Variants in P2RY8 observed in about 807,000 individuals in gnomAD.
P2RY8 encodes P2Y receptor family member 8.
Under a neutral mutation model 10.0 loss-of-function variants are expected in P2RY8, and 6 were observed. The ratio of observed to expected loss-of-function variants is 0.60; its 90% CI spans 0.33 to 1.19. P2RY8 has a LOEUF of 1.19. Ranked by LOEUF, P2RY8 falls within the 50% of genes most tolerant of loss-of-function variation. P2RY8 has a pLI of 0.04. For missense variants in P2RY8, 456 were observed against 542.0 expected, an observed-to-expected ratio of 0.84 and a Z score of 1.58; for synonymous variants, 276 against 252.5, an observed-to-expected ratio of 1.09 and a Z score of -0.88.
At chrX:1,509,286 T>C (rs1322088380) in intron 1 of P2RY8, among the ~76,000 whole-genome samples, 1 of 150,634 alleles carries the variant, frequency 6.6e-6, no homozygotes, top group African/African-American at 2.4e-5. Context: ...ATCCATCATC[T>C]ATGTATCTAT....
At chrX:1,477,808 G>A (rs1460775469) in intron 1 of P2RY8, among the ~76,000 whole-genome samples, 1 of 152,192 alleles carries the variant, frequency 6.6e-6, no homozygotes, top group Non-Finnish European at 1.5e-5. Flanking sequence ...AACACACAGA[G>A]CTCAGGAGTA....
At chrX:1,470,141 C>T (rs1331535768) in intron 1 of P2RY8, among the ~76,000 whole-genome samples, 3 of 152,026 alleles carry the variant, frequency 2.0e-5, no homozygotes, top group Non-Finnish European at 4.4e-5. Flanking sequence ...GGTGGATCAC[C>T]TGAGGTCAGG....
At chrX:1,472,314 A>G (rs4589043) in intron 1 of P2RY8, among the ~76,000 whole-genome samples, 79,469 of 150,472 alleles carry the variant, frequency 0.53, 21,218 homozygotes, top group South Asian at 0.65. Flanking sequence ...GAAGGCATGG[A>G]AAGATGAAGA....
chrX:1,524,450 TATCCATCCATC>T (rs1569538690), intron 1 of P2RY8, among the ~76,000 whole-genome samples: 619 of 27,992 alleles, frequency 0.022, 54 homozygotes, highest in African/African-American at 0.064. Flanking sequence ...TTCATCCATC[TATCCATCCATC>T]CATCCATCCA....
intron 1 of P2RY8, among the ~76,000 whole-genome samples, chrX:1,517,689 A>G (rs1157162757): frequency 6.6e-6 from 1 of 152,104 alleles, no homozygotes; most frequent in African/African-American, 2.4e-5. Flanking sequence ...TGTTAACAGG[A>G]AGCATGCTCA....
In P2RY8 at chrX:1,465,398, A is replaced by C. The variant is rs1433307514; in HGVS notation, c.*81T>G. 3.3e-6 allele frequency: 5 copies of C among 1,516,454 alleles called. No individual in the cohort carries two copies. In the African/African-American group the frequency reaches 4.2e-5, roughly 13 times the overall value. 93.9% of individuals were successfully genotyped at this position (1,516,454 alleles called of 1,614,324 possible). A position where few individuals can be genotyped will look rare whatever the true frequency, so the allele number is the denominator to read the frequency against. On this transcript the variant is annotated 3_prime_UTR_variant, in exon 2 of 2. Coordinates refer to ENST00000381297, the MANE Select transcript of P2RY8 (RefSeq NM_178129.5). Reference sequence around the variant, plus strand: ...GGGAGCAACGCAGCTGTTCTCCCTGAACCTCTGGCACCGTGGCCTCTCCAT... The same window carrying C: ...GGGAGCAACGCAGCTGTTCTCCCTGCACCTCTGGCACCGTGGCCTCTCCAT...
Position 1,463,259 on chromosome X carries a change from T to C in P2RY8, c.*2220A>G. On this transcript the variant is annotated 3_prime_UTR_variant, in exon 2 of 2. Transcript: ENST00000381297. ...AGCCTGGATGCTTCTGTATCAGCTTTGCTTTCTAGGGTTCAGCTTTGGAAC... is the reference window on the plus strand; with the variant it reads ...AGCCTGGATGCTTCTGTATCAGCTTCGCTTTCTAGGGTTCAGCTTTGGAAC... 1 of 233,208 alleles carries C rather than the reference T, an allele frequency of 4.3e-6. No homozygotes were observed. The highest frequency in any genetic ancestry group is 6.0e-5 in the East Asian group (1 of 16,600). The allele number at this position is 233,208 out of a possible 1,614,324, so 14.4% of individuals were successfully genotyped here. A position where few individuals can be genotyped will look rare whatever the true frequency, so the allele number is the denominator to read the frequency against.
At chrX:1,514,721 CCCTTCCCTT>C (rs773302560) in intron 1 of P2RY8, among the ~76,000 whole-genome samples, 129 of 2,680 alleles carry the variant, frequency 0.048, 21 homozygotes, top group Admixed American at 0.065. Context: ...TCCTTCCCTT[CCCTTCCCTT>C]CCTTCCCTTC....
intron 1 of P2RY8, among the ~76,000 whole-genome samples, chrX:1,472,984 G>T: frequency 7.8e-6 from 1 of 128,836 alleles, no homozygotes. Context: ...GGATGGATGG[G>T]GGTGGGTGGG....
intron 1 of P2RY8, among the ~76,000 whole-genome samples, chrX:1,503,224 C>T (rs1292161757): frequency 6.6e-6 from 1 of 152,216 alleles, no homozygotes; most frequent in Non-Finnish European, 1.5e-5. Flanking sequence ...AGGACCCTCC[C>T]CTAGAGCTCC....
intron 1 of P2RY8, among the ~76,000 whole-genome samples, chrX:1,503,846 G>C (rs1263654612): frequency 6.6e-6 from 1 of 152,034 alleles, no homozygotes; most frequent in African/African-American, 2.4e-5. Flanking sequence ...AGTGAGCTGA[G>C]ATCATGCCAC....
chrX:1,485,482 A>T (rs1441916860), intron 1 of P2RY8, among the ~76,000 whole-genome samples: 2 of 152,034 alleles, frequency 1.3e-5, no homozygotes, highest in East Asian at 3.8e-4. Flanking sequence ...ATGTGTACAC[A>T]TTAAATTAAA....
rs1569538926 is a variant in P2RY8, at chrX:1,532,324, G to GTA, written c.-25+4595_-25+4596dup. Among the ~76,000 whole-genome samples, 5 of 4,674 alleles carry GTA rather than the reference G, an allele frequency of 1.1e-3. No homozygotes were observed. In the Admixed American group the frequency reaches 0.018, roughly 16 times the overall value. 3.1% of individuals were successfully genotyped at this position (4,674 alleles called of 152,430 possible). On this transcript the variant is annotated intron_variant, in intron 1 of 1. Transcript: ENST00000381297. ...ATGTGTGCCATATATATACACACACGTATATATACACATATATGTATATGA... is the reference window on the plus strand; with the variant it reads ...ATGTGTGCCATATATATACACACACGTATATATATACACATATATGTATATGA...
At chrX:1,527,581 CCTAT>C (rs2092447288) in intron 1 of P2RY8, among the ~76,000 whole-genome samples, 1 of 151,986 alleles carries the variant, frequency 6.6e-6, no homozygotes, top group Non-Finnish European at 1.5e-5. Context: ...TATTCATCCA[CCTAT>C]CTATCCATCT....
chrX:1,465,367 G>C lies in P2RY8; in HGVS notation c.*112C>G. On this transcript the variant is annotated 3_prime_UTR_variant, in exon 2 of 2. Coordinates refer to ENST00000381297, the MANE Select transcript of P2RY8 (RefSeq NM_178129.5). ...GACCCTTCCCCACCGGGCCTCTGCA[G>C]TGCCTGGGAGCAACGCAGCTGTTCT... 1 of 1,487,702 alleles carries C rather than the reference G, an allele frequency of 6.7e-7. No homozygotes were observed. Among genetic ancestry groups the C allele is most frequent in the Non-Finnish European group, 8.9e-7 (1 of 1,122,744 alleles). 92.2% of individuals were successfully genotyped at this position (1,487,702 alleles called of 1,614,324 possible).
chrX:1,466,745 TCTC>T (rs1214420588), intron 1 of P2RY8, among the ~76,000 whole-genome samples, 163 bp from the exon 2 acceptor site: 1 of 131,812 alleles, frequency 7.6e-6, no homozygotes. Flanking sequence ...CCTCCTTCCC[TCTC>T]CTCCTTCCTT....
intron 1 of P2RY8, among the ~76,000 whole-genome samples, chrX:1,498,992 G>A (rs2092148124): frequency 6.7e-6 from 1 of 149,842 alleles, no homozygotes; most frequent in Non-Finnish European, 1.5e-5. Flanking sequence ...GTGCCATAAT[G>A]CCTAGCTAAT....
At chrX:1,524,669 T>TCCATC (rs1556686043) in intron 1 of P2RY8, among the ~76,000 whole-genome samples, 6 of 51,090 alleles carry the variant, frequency 1.2e-4, no homozygotes, top group East Asian at 9.0e-4. Flanking sequence ...ATCCATCCAT[T>TCCATC]CATCCATCCA....
chrX:1,465,341 A>T lies in P2RY8; in HGVS notation c.*138T>A. The stretch of plus-strand genomic sequence containing the variant: ...AGTGCCTGGGAGGAATAAAGCCTGG[A>T]GACCCTTCCCCACCGGGCCTCTGCA... On this transcript the variant is annotated 3_prime_UTR_variant, in exon 2 of 2. Transcript: ENST00000381297. 7.2e-7 allele frequency: 1 copy of T among 1,387,178 alleles called. No homozygotes were observed. Among genetic ancestry groups the T allele is most frequent in the Non-Finnish European group, 9.6e-7 (1 of 1,039,564 alleles). The allele number at this position is 1,387,178 out of a possible 1,614,324, so 85.9% of individuals were successfully genotyped here.
Sources: gnomAD v4.1 joint callset for allele counts (sites outside exome capture counted in the v4.1 genomes callset) on GRCh38, gnomAD v4.1.1 for gene constraint, MANE v1.5 for transcripts, NCBI Gene and HGNC (gene_info 2026-07-23, HGNC 2026-07-21) for gene names.